PSD3: variants seen among roughly 807,000 people sequenced by gnomAD.
PSD3 encodes the protein PH and SEC7 domain-containing protein 3.
A neutral mutation model predicts 105.5 loss-of-function variants in PSD3; 49 were observed. The observed-to-expected ratio is 0.46, with a 90% CI of 0.37 to 0.59. PSD3 has a LOEUF of 0.59. PSD3 is among the 20% of genes least tolerant of loss of function. The pLI is 0.00. For missense variants in PSD3, 1,561 were observed against 1,263.8 expected (o/e 1.24, Z -3.57); for synonymous variants, 557 against 457.8 (o/e 1.22, Z -2.77).
chr8:18,630,915 T>A (rs1244238709), intron 11 of PSD3, among the ~76,000 whole-genome samples: 1 of 151,738 alleles, frequency 6.6e-6, no homozygotes, highest in Non-Finnish European at 1.5e-5. Context: ...AGGATATGCA[T>A]CAGTTATATG....
rs1216621396 is a variant in PSD3 at position 18,728,117 on chromosome 8, G to A, written c.2172+37332C>T. ...AAGAGAGAGTGTTAAACTTCACAAAGGAGTTTATCATTATAGGTTCAGGTC... is the reference window on the plus strand; with the variant it reads ...AAGAGAGAGTGTTAAACTTCACAAAAGAGTTTATCATTATAGGTTCAGGTC... On this transcript the variant is annotated intron_variant, in intron 9 of 15. Transcript: ENST00000327040. Among the ~76,000 whole-genome samples the A allele has an allele frequency of 2.0e-5, 3 of 151,914 alleles. No individual in the cohort carries two copies. The East Asian group carries it at 5.8e-4, about 29-fold the overall frequency.
At chr8:18,655,129 C>T (rs191722959) in intron 10 of PSD3, among the ~76,000 whole-genome samples, 28 of 151,802 alleles carry the variant, frequency 1.8e-4, no homozygotes, top group African/African-American at 6.3e-4. Context: ...CGAGACCATC[C>T]TGGCTAACAC....
chr8:18,962,614 A>C (rs1823993038), intron 1 of PSD3, among the ~76,000 whole-genome samples: 2 of 152,246 alleles, frequency 1.3e-5, no homozygotes, highest in African/African-American at 2.4e-5. Context: ...CCAATTCACT[A>C]TCAAGCTCTA....
At chr8:18,616,728 A>G (rs1385565517) in intron 11 of PSD3, among the ~76,000 whole-genome samples, 1 of 144,118 alleles carries the variant, frequency 6.9e-6, no homozygotes, top group African/African-American at 2.6e-5. Flanking sequence ...GGTTCACGCC[A>G]TTCTCCTGCC....
intron 12 of PSD3, among the ~76,000 whole-genome samples, chr8:18,590,255 T>G (rs896695114): frequency 6.6e-6 from 1 of 152,174 alleles, no homozygotes; most frequent in Non-Finnish European, 1.5e-5. Context: ...TCCAAAGCAG[T>G]TGATCATCTC....
At chr8:18,776,722 G>T (rs1808132613) in intron 8 of PSD3, among the ~76,000 whole-genome samples, 1 of 152,148 alleles carries the variant, frequency 6.6e-6, no homozygotes, top group Admixed American at 6.5e-5. Flanking sequence ...GAAACTGTCA[G>T]ATCATGAGCT....
At chr8:19,050,887 C>T (rs1048831165) in intron 1 of PSD3, among the ~76,000 whole-genome samples, 14 of 152,090 alleles carry the variant, frequency 9.2e-5, no homozygotes, top group African/African-American at 2.9e-4. Flanking sequence ...GAAAACCTCC[C>T]GTGAGCCAGG....
At chr8:18,643,246 C>G (rs1489894495) in intron 10 of PSD3, among the ~76,000 whole-genome samples, 1 of 152,110 alleles carries the variant, frequency 6.6e-6, no homozygotes, top group Non-Finnish European at 1.5e-5. Flanking sequence ...ATAAGAAACC[C>G]ACTCCTGCAG....
intron 12 of PSD3, among the ~76,000 whole-genome samples, chr8:18,595,209 G>GCAAA (rs1190904464): frequency 4.4e-4 from 52 of 117,038 alleles, no homozygotes; most frequent in Middle Eastern, 4.7e-3. Context: ...CCCATGGTAA[G>GCAAA]CAAACAAACA....
chr8:18,783,781 T>C (rs335237), intron 8 of PSD3, among the ~76,000 whole-genome samples: 60,984 of 151,946 alleles, frequency 0.4, 12,638 homozygotes, highest in African/African-American at 0.48. Context: ...GATAGGTGCA[T>C]GCCACCATGC....
At chr8:18,771,931 GTTTA>G (rs1398570459) in intron 8 of PSD3, among the ~76,000 whole-genome samples, 1 of 152,090 alleles carries the variant, frequency 6.6e-6, no homozygotes, top group African/African-American at 2.4e-5. Context: ...TCTACTTTCT[GTTTA>G]TATGAATTTA....
At chr8:18,571,014 T>G (rs1802101474) in intron 14 of PSD3, among the ~76,000 whole-genome samples, 1 of 152,030 alleles carries the variant, frequency 6.6e-6, no homozygotes, top group Admixed American at 6.6e-5. Context: ...CATCCACCAC[T>G]GCGCCTGGCT....
chr8:18,683,065 T>C (rs1204103175), intron 9 of PSD3, among the ~76,000 whole-genome samples: 1 of 152,138 alleles, frequency 6.6e-6, no homozygotes, highest in East Asian at 1.9e-4. Flanking sequence ...GTGGGAAGAA[T>C]CTCAAGAATA....
chr8:18,626,690 G>C (rs1806505701), intron 11 of PSD3, among the ~76,000 whole-genome samples: 1 of 152,016 alleles, frequency 6.6e-6, no homozygotes, highest in South Asian at 2.1e-4. Flanking sequence ...AAAGAAGAAG[G>C]CAAAAACATT....
intron 4 of PSD3, among the ~76,000 whole-genome samples, chr8:18,835,493 CA>C (rs1399359772): frequency 6.6e-6 from 1 of 152,092 alleles, no homozygotes; most frequent in East Asian, 1.9e-4. Flanking sequence ...GTGACCAAAA[CA>C]AGACAAAAAT....
intron 13 of PSD3, 68 bp downstream of exon 13, chr8:18,575,060 G>A: frequency 4.7e-6 from 7 of 1,473,854 alleles, no homozygotes; most frequent in Non-Finnish European, 6.3e-6. Flanking sequence ...GCTTGATTTT[G>A]TTCCTTGCAA....
chr8:19,005,229 T>C (rs1450970209), intron 1 of PSD3, among the ~76,000 whole-genome samples: 2 of 151,998 alleles, frequency 1.3e-5, no homozygotes, highest in African/African-American at 4.8e-5. Flanking sequence ...AAATAAAATG[T>C]GACCCATCTA....
At chr8:18,961,108 C>T (rs1264982510) in intron 1 of PSD3, among the ~76,000 whole-genome samples, 3 of 151,506 alleles carry the variant, frequency 2.0e-5, no homozygotes, top group African/African-American at 7.3e-5. Context: ...AACAAACAAA[C>T]AAAAAGACTA....
intron 1 of PSD3, among the ~76,000 whole-genome samples, chr8:18,953,322 G>C (rs1394108436): frequency 6.6e-6 from 1 of 152,144 alleles, no homozygotes; most frequent in Non-Finnish European, 1.5e-5. Context: ...TATGTTGTGT[G>C]TGTGTGTGTG....
Sources: allele counts gnomAD v4.1 joint callset (sites outside exome capture counted in the v4.1 genomes callset), GRCh38; gene constraint gnomAD v4.1.1; transcripts MANE v1.5; gene names NCBI Gene and HGNC (gene_info 2026-07-23, HGNC 2026-07-21).